MEX3C: variants seen among roughly 807,000 people sequenced by gnomAD.
MEX3C encodes mex-3 RNA binding family member C.
Under a neutral mutation model 35.5 loss-of-function variants are expected in MEX3C, and 15 were observed. The ratio of observed to expected loss-of-function variants is 0.42; its 90% CI spans 0.28 to 0.65. The LOEUF (loss-of-function observed/expected upper bound fraction) is 0.65, where lower values mean the gene tolerates loss of function less well. Among genes scored for constraint, MEX3C ranks in the 30% least tolerant of loss-of-function variants. MEX3C has a pLI of 0.20. For synonymous variants in MEX3C, 390 were observed against 352.8 expected, an observed-to-expected ratio of 1.11 and a Z score of -1.18; for missense variants, 711 against 842.8, an observed-to-expected ratio of 0.84 and a Z score of 1.94.
At position 51,197,670 on chromosome 18, in the gene MEX3C, C is replaced by G. The variant is rs1409392606; in HGVS notation, c.-350G>C. Among the ~76,000 whole-genome samples the G allele has an allele frequency of 6.6e-6, 1 of 151,086 alleles. No individual in the cohort carries two copies. The highest frequency in any genetic ancestry group is 1.5e-5 in the Non-Finnish European group (1 of 67,726). On this transcript the variant is annotated 5_prime_UTR_variant, in exon 1 of 2. Transcript: ENST00000406189. ...CGGCGGCGGCGGCTACGCCCCACGC[C>G]GCTCTCCGAATGAAGCCGGCGCGCT...
At chr18:51,187,572 A>G (rs1912567853) in intron 1 of MEX3C, among the ~76,000 whole-genome samples, 1 of 152,116 alleles carries the variant, frequency 6.6e-6, no homozygotes, top group Non-Finnish European at 1.5e-5. Flanking sequence ...CTTTCATCAC[A>G]CTATTTTCCC....
intron 1 of MEX3C, among the ~76,000 whole-genome samples, chr18:51,180,259 G>A (rs182783633): frequency 1.0e-3 from 155 of 152,226 alleles, no homozygotes; most frequent in Non-Finnish European, 1.2e-3. Context: ...AAATATGCTT[G>A]AGGGTCCACA....
chr18:51,191,219 T>C (rs1411042599), intron 1 of MEX3C, among the ~76,000 whole-genome samples: 2 of 152,180 alleles, frequency 1.3e-5, no homozygotes, highest in Non-Finnish European at 2.9e-5. Context: ...AGTTGTCATA[T>C]ACTTTCTCAG....
intron 1 of MEX3C, among the ~76,000 whole-genome samples, chr18:51,185,858 G>C (rs1912524775): frequency 6.6e-6 from 1 of 151,478 alleles, no homozygotes; most frequent in African/African-American, 2.4e-5. Flanking sequence ...CCAGAAGTTC[G>C]AGACCAGCCT....
At position 51,176,469 on chromosome 18, in the gene MEX3C, A is replaced by G. The variant is rs753806168; in HGVS notation, c.1862T>C (p.Val621Ala). 1 of 1,614,032 alleles carries G rather than the reference A, an allele frequency of 6.2e-7. No homozygotes were observed. Residue 621 changes from valine (V) to alanine (A), a missense_variant, in exon 2 of 2, where the codon GTT (valine) becomes GCT (alanine). Transcript: ENST00000406189. ...CFENEVIAAL[V>A]PCGHNLFCME... ...GCAGAAGAGGTTGTGGCCACATGGA[A>G]CTAGGGCAGCAATAACCTCATTCTC...
At chr18:51,194,675 T>G (rs1912734662) in intron 1 of MEX3C, 2 of 152,214 alleles carry the variant, frequency 1.3e-5, no homozygotes, top group Admixed American at 1.3e-4. Flanking sequence ...AATGTTTTCT[T>G]CCTTTGTTAC....
At chr18:51,184,010 TTTTTTTTTTTCC>T (rs960383264) in intron 1 of MEX3C, among the ~76,000 whole-genome samples, 2 of 147,500 alleles carry the variant, frequency 1.4e-5, no homozygotes, top group African/African-American at 4.9e-5. Context: ...CTTAAAAAAA[TTTTTTTTTTTCC>T]TAGCATGACT....
rs1175437198 is a variant in MEX3C at position 51,177,505 on chromosome 18, T to C, written c.826A>G (p.Ile276Val). 1 of 1,613,932 alleles carries C rather than the reference T, an allele frequency of 6.2e-7. No homozygotes were observed. The highest frequency in any genetic ancestry group is 8.5e-7 in the Non-Finnish European group (1 of 1,179,912). Residue 276 changes from isoleucine (I) to valine (V), a missense_variant, in exon 2 of 2, where the codon ATT (isoleucine) becomes GTT (valine). Coordinates refer to ENST00000406189, the MANE Select transcript of MEX3C (RefSeq NM_016626.5). This position sits in a 1 kb window ranked among gnomAD's most constrained non-coding sequence, Gnocchi z 4.2. The part of the protein sequence containing the change: ...IKTPVRGEEP[I>V]FVVTGRKEDV... ...TCTTTCCTTCCAGTGACAACAAAAA[T>C]GGGCTCTTCACCACGAACAGGAGTC... is the stretch of plus-strand genomic sequence containing the variant.
chr18:51,186,448 G>T (rs576011162), intron 1 of MEX3C, among the ~76,000 whole-genome samples: 1 of 152,332 alleles, frequency 6.6e-6, no homozygotes, highest in East Asian at 1.9e-4. Flanking sequence ...CAAGAGTACA[G>T]GATGGCACAG....
intron 1 of MEX3C, among the ~76,000 whole-genome samples, chr18:51,192,574 A>G (rs1272550473): frequency 6.6e-6 from 1 of 152,190 alleles, no homozygotes; most frequent in Non-Finnish European, 1.5e-5. Flanking sequence ...ACTAATTTGG[A>G]TAGTGGTATT....
chr18:51,182,416 T>C (rs1048641906), intron 1 of MEX3C, among the ~76,000 whole-genome samples: 1 of 152,174 alleles, frequency 6.6e-6, no homozygotes, highest in Non-Finnish European at 1.5e-5. Flanking sequence ...AATCCACATA[T>C]GGCAAGTTGT....
Position 51,177,155 on chromosome 18 carries a change from G to A in MEX3C, c.1176C>T (p.Ala392=). The change falls in exon 2 of 2, where the codon GCC becomes GCT. Residue 392 remains alanine (A), a synonymous_variant. Coordinates refer to ENST00000406189, the MANE Select transcript of MEX3C (RefSeq NM_016626.5). The surrounding 1 kb of genome is among the most constrained non-coding windows in gnomAD (Gnocchi z 4.2). The part of the protein sequence containing the change: ...RAREEIEMHI[A]MRTGNYIELN... ...GCTCTATATAGTTTCCTGTACGCATGGCAATATGCATTTCTATTTCTTCCC... is the reference window on the plus strand; with the variant it reads ...GCTCTATATAGTTTCCTGTACGCATAGCAATATGCATTTCTATTTCTTCCC... 6.2e-7 allele frequency: 1 copy of A among 1,613,790 alleles called. No homozygotes were observed. Among genetic ancestry groups the A allele is most frequent in the Non-Finnish European group, 8.5e-7 (1 of 1,179,876 alleles).
chr18:51,191,806 T>C (rs1912655339), intron 1 of MEX3C, among the ~76,000 whole-genome samples: 1 of 152,162 alleles, frequency 6.6e-6, no homozygotes, highest in South Asian at 2.1e-4. Context: ...TTTAAGTGAC[T>C]TGTTCAAGAT....
intron 1 of MEX3C, among the ~76,000 whole-genome samples, chr18:51,179,499 A>G (rs561168979): frequency 6.6e-6 from 1 of 151,470 alleles, no homozygotes; most frequent in East Asian, 1.9e-4. Context: ...GGGCATCCCT[A>G]CTCTGAAAAT....
At chr18:51,190,572 T>G (rs941470295) in intron 1 of MEX3C, among the ~76,000 whole-genome samples, 1 of 152,202 alleles carries the variant, frequency 6.6e-6, no homozygotes, top group African/African-American at 2.4e-5. Flanking sequence ...ACCAGGCTTC[T>G]CTGCATGCAA....
Position 51,196,998 on chromosome 18 carries a change from A to G in MEX3C, c.323T>C (p.Leu108Pro). The change falls in exon 1 of 2, where the codon CTG (leucine) becomes CCG (proline). Residue 108 changes from leucine (L) to proline (P), a missense_variant. Physicochemically the swap from Leu to Pro is moderately conservative, Grantham distance 98. Around this residue, in one of 4 missense-constraint regions of MEX3C, gnomAD observed 354 missense variants for 311.6 expected, o/e 1.14. Transcript: ENST00000406189. ...PGAPEAAELE[L>P]EEDEEEGEEA... ...CTCCCCCTCCTCCTCGTCCTCTTCC[A>G]GCTCCAGCTCGGCCGCCTCCGGGGC... The G allele has an allele frequency of 6.5e-7, 1 of 1,530,230 alleles. No individual in the cohort carries two copies. Among genetic ancestry groups the G allele is most frequent in the Non-Finnish European group, 8.8e-7 (1 of 1,141,740 alleles). The allele number at this position is 1,530,230 out of a possible 1,614,324, so 94.8% of individuals were successfully genotyped here.
chr18:51,192,779 T>C (rs1428371594), intron 1 of MEX3C: 2 of 152,176 alleles, frequency 1.3e-5, no homozygotes, highest in African/African-American at 2.4e-5. Context: ...CCTCTGTTTC[T>C]ACCTCTCTAA....
In MEX3C at chr18:51,196,762, GCACCCCCGCCGC is replaced by G. The variant is rs1267732950; in HGVS notation, c.547_558del (p.Ala183_Val186del). On this transcript the variant is annotated inframe_deletion, in exon 1 of 2. Coordinates refer to ENST00000406189, the MANE Select transcript of MEX3C (RefSeq NM_016626.5). ...CCCTGGGCATCGTCCCCTCCGTACAGCACCCCCGCCGCCGCCGCCGCGGCCGCCGCCTCCCGG... is the reference window on the plus strand; with the variant it reads ...CCCTGGGCATCGTCCCCTCCGTACAGCGCCGCCGCGGCCGCCGCCTCCCGG... The G allele has an allele frequency of 6.7e-7, 1 of 1,501,560 alleles. No homozygotes were observed. Among genetic ancestry groups the G allele is most frequent in the African/African-American group, 1.4e-5 (1 of 69,582 alleles). The allele number at this position is 1,501,560 out of a possible 1,614,324, so 93.0% of individuals were successfully genotyped here. A position where few individuals can be genotyped will look rare whatever the true frequency, so the allele number is the denominator to read the frequency against.
At position 51,176,317 on chromosome 18, in the gene MEX3C, TATAGAG is replaced by T. The variant is rs748397242; in HGVS notation, c.*28_*33del. On this transcript the variant is annotated 3_prime_UTR_variant, in exon 2 of 2. Transcript: ENST00000406189. Reference sequence around the variant, plus strand: ...TTATACCCATGCCTTTACGAGTCCATATAGAGATATAGTATTTATGTATATATATAT... The same window carrying T: ...TTATACCCATGCCTTTACGAGTCCATATATAGTATTTATGTATATATATAT... The T allele has an allele frequency of 1.6e-5, 24 of 1,538,186 alleles. No individual in the cohort carries two copies. Among genetic ancestry groups the T allele is most frequent in the African/African-American group, 1.3e-4 (9 of 71,558 alleles).
Sources: allele counts gnomAD v4.1 joint callset (sites outside exome capture counted in the v4.1 genomes callset), GRCh38; gene constraint gnomAD v4.1.1; regional missense constraint gnomAD v4.1.1; non-coding constraint Gnocchi (gnomAD v3.1); transcripts MANE v1.5; gene names NCBI Gene and HGNC (gene_info 2026-07-23, HGNC 2026-07-21).